The following DAB1 variants were observed in gnomAD, a reference collection of about 807,000 sequenced individuals.
DAB1 encodes disabled homolog 1.
A neutral mutation model predicts 64.6 loss-of-function variants in DAB1; 15 were observed. That is an observed-to-expected ratio of 0.23 (90% CI 0.16 to 0.36). The LOEUF (loss-of-function observed/expected upper bound fraction) is 0.36. DAB1 is among the 10% of genes least tolerant of loss of function. The pLI is 1.00. For synonymous variants in DAB1, 235 were observed against 251.9 expected, an observed-to-expected ratio of 0.93 and a Z score of 0.64; for missense variants, 596 against 706.7, an observed-to-expected ratio of 0.84 and a Z score of 1.78.
At chr1:58,039,119 A>T (rs1176482751) in intron 5 of DAB1, among the ~76,000 whole-genome samples, 1 of 152,058 alleles carries the variant, frequency 6.6e-6, no homozygotes. Context: ...GCAGACTGCT[A>T]CTCCATTCCC....
intron 5 of DAB1, among the ~76,000 whole-genome samples, chr1:58,085,599 C>T (rs1650252165): frequency 6.6e-6 from 1 of 151,964 alleles, no homozygotes; most frequent in South Asian, 2.1e-4. Context: ...AACTCCTGGA[C>T]TCAAGCAATC....
intron 3 of DAB1, among the ~76,000 whole-genome samples, chr1:58,388,789 G>A (rs2100553367): frequency 6.6e-6 from 1 of 152,312 alleles, no homozygotes; most frequent in South Asian, 2.1e-4. Context: ...TACCCTCGGA[G>A]TCATTAAAGA....
chr1:57,530,523 CATTAA>C (rs1484269817), intron 7 of DAB1, among the ~76,000 whole-genome samples: 3 of 152,076 alleles, frequency 2.0e-5, no homozygotes, highest in African/African-American at 7.2e-5. Context: ...AATATAATGG[CATTAA>C]ATTAAATATG....
At chr1:57,428,274 T>C (rs1490405937), upstream of DAB1, among the ~76,000 whole-genome samples, 3 of 152,212 alleles carry the variant, frequency 2.0e-5, no homozygotes, top group Non-Finnish European at 4.4e-5. Context: ...TTATTTATCA[T>C]ATAACTGAAG....
chr1:57,386,800 G>A (rs991191264), intron 1 of DAB1: 2 of 151,734 alleles, frequency 1.3e-5, no homozygotes, highest in Admixed American at 6.6e-5. Context: ...CAGATTTTTC[G>A]AATAGGGAAA....
upstream of DAB1, among the ~76,000 whole-genome samples, chr1:57,887,656 T>C (rs1055805401): frequency 1.4e-4 from 22 of 152,166 alleles, no homozygotes; most frequent in African/African-American, 5.3e-4. Flanking sequence ...ATCTATAAAC[T>C]CAAGACATTA....
At chr1:57,022,123 A>G (rs972719263) in intron 11 of DAB1, among the ~76,000 whole-genome samples, 32 of 152,198 alleles carry the variant, frequency 2.1e-4, no homozygotes, top group Non-Finnish European at 4.6e-4. Flanking sequence ...CCTACACAGG[A>G]CCTGGAACAT....
intron 3 of DAB1, among the ~76,000 whole-genome samples, chr1:58,490,273 G>A (rs1333996449): frequency 2.6e-5 from 4 of 152,186 alleles, no homozygotes; most frequent in Non-Finnish European, 5.9e-5. Flanking sequence ...GAAAACCATG[G>A]CACAAGAACT....
chr1:57,758,909 C>T (rs1011803143), intron 6 of DAB1, among the ~76,000 whole-genome samples: 6 of 152,118 alleles, frequency 3.9e-5, no homozygotes, highest in African/African-American at 1.4e-4. Flanking sequence ...GTTAGGATTG[C>T]TCATATTCCA....
At chr1:57,075,089 TGTTATCCAC>T (rs759365094) in intron 4 of DAB1, among the ~76,000 whole-genome samples, 19 of 152,332 alleles carry the variant, frequency 1.2e-4, no homozygotes, top group Non-Finnish European at 2.6e-4. Flanking sequence ...ATGTGGAGAA[TGTTATCCAC>T]GTTTCCTATT....
intron 1 of DAB1, among the ~76,000 whole-genome samples, chr1:57,303,349 G>C (rs904308965): frequency 2.0e-5 from 3 of 152,150 alleles, no homozygotes; most frequent in South Asian, 2.1e-4. Flanking sequence ...CCTGCTGCTT[G>C]CTCTGCCTTT....
chr1:57,922,872 T>C (rs1406528832), intron 5 of DAB1, among the ~76,000 whole-genome samples: 1 of 140,848 alleles, frequency 7.1e-6, no homozygotes, highest in Admixed American at 6.9e-5. Flanking sequence ...AAAAAAAGAT[T>C]TGAAAAGTTT....
chr1:58,214,939 GT>G (rs1214666042), intron 4 of DAB1, among the ~76,000 whole-genome samples: 1 of 152,110 alleles, frequency 6.6e-6, no homozygotes, highest in Non-Finnish European at 1.5e-5. Context: ...CAGAGATGGG[GT>G]TTTCCTTCCA....
chr1:58,460,600 A>T (rs1294525323), intron 3 of DAB1, among the ~76,000 whole-genome samples: 3 of 152,186 alleles, frequency 2.0e-5, no homozygotes, highest in Non-Finnish European at 2.9e-5. Context: ...TTTATTTCTC[A>T]TAACTGTCTT....
intron 4 of DAB1, among the ~76,000 whole-genome samples, chr1:58,247,378 A>T (rs1420352581): frequency 2.6e-5 from 4 of 151,944 alleles, no homozygotes; most frequent in Admixed American, 2.6e-4. Flanking sequence ...TTGTTGAGAA[A>T]CCCAGCCTGT....
chr1:57,020,359 A>G (rs1646573719), intron 11 of DAB1, among the ~76,000 whole-genome samples: 1 of 152,220 alleles, frequency 6.6e-6, no homozygotes, highest in African/African-American at 2.4e-5. Context: ...TACCTATTTT[A>G]CAATGTGCAT....
Position 57,011,161 on chromosome 1 carries a change from C to G in DAB1, c.1556G>C (p.Ser519Thr). ...GTCACTTACAGCTTCTTGCTCTTCGCTTTTGCTGGGACTTTCAAAGCCCTC... is the reference window on the plus strand; with the variant it reads ...GTCACTTACAGCTTCTTGCTCTTCGGTTTTGCTGGGACTTTCAAAGCCCTC... ...FEEGFESPSK[S>T]EEQEAPDGSQ... Residue 519 changes from serine to threonine, a missense_variant, in exon 13 of 15, where the codon AGC (serine) becomes ACC (threonine). Ser to Thr is a moderately conservative substitution (Grantham distance 58). Around this residue, in one of 3 missense-constraint regions of DAB1, gnomAD observed 377 missense variants for 400.4 expected, o/e 0.94. Coordinates refer to ENST00000371236, the MANE Select transcript of DAB1 (RefSeq NM_001365792.1). 6.2e-7 allele frequency: 1 copy of G among 1,614,044 alleles called. No homozygotes were observed.
chr1:57,553,783 G>A (rs1644955662), intron 7 of DAB1, among the ~76,000 whole-genome samples: 1 of 152,166 alleles, frequency 6.6e-6, no homozygotes, highest in Admixed American at 6.5e-5. Flanking sequence ...ACAAGGTGAG[G>A]ACTGCAGGGC....
chr1:57,206,970 T>C (rs1330847783), intron 2 of DAB1, among the ~76,000 whole-genome samples: 1 of 121,998 alleles, frequency 8.2e-6, no homozygotes, highest in African/African-American at 3.5e-5. Flanking sequence ...CTTCCTTCCT[T>C]TTTTTTTTTT....
Sources: gnomAD v4.1 joint callset for allele counts (sites outside exome capture counted in the v4.1 genomes callset) on GRCh38, gnomAD v4.1.1 for gene constraint, gnomAD v4.1.1 regional missense constraint, MANE v1.5 for transcripts, NCBI Gene and HGNC (gene_info 2026-07-23, HGNC 2026-07-21) for gene names.